The following RBFOX1 variants were observed in gnomAD, a reference collection of about 807,000 sequenced individuals.
RBFOX1 encodes the protein RNA binding protein fox-1 homolog 1.
Under a neutral mutation model 57.7 loss-of-function variants are expected in RBFOX1, and 8 were observed. The ratio of observed to expected loss-of-function variants is 0.14; its 90% CI spans 0.08 to 0.25. RBFOX1 has a LOEUF of 0.25. Among genes scored for constraint, RBFOX1 ranks in the 10% least tolerant of loss-of-function variants. The pLI, the probability that RBFOX1 is intolerant of heterozygous loss-of-function variation, is 1.00. For missense variants in RBFOX1, 611 were observed against 548.5 expected (o/e 1.11, Z -1.14); for synonymous variants, 326 against 222.4 (o/e 1.47, Z -4.15).
chr16:6,160,902 T>C (rs928212361), intron 1 of RBFOX1, among the ~76,000 whole-genome samples: 2 of 152,132 alleles, frequency 1.3e-5, no homozygotes, highest in Admixed American at 6.5e-5. Context: ...CCCTCATCGC[T>C]CTCCGCACAC....
Position 6,815,007 on chromosome 16 carries a change from C to T in RBFOX1, c.-16+160357C>T, listed in dbSNP as rs180989962. On this transcript the variant is annotated intron_variant, in intron 3 of 15. Coordinates refer to ENST00000550418, the MANE Select transcript of RBFOX1 (RefSeq NM_018723.4). The stretch of plus-strand genomic sequence containing the variant: ...GGGCCGCCCAGCTGCTCATCCTTAT[C>T]ATTACTTCTTGATTATATGCTAAAC... 3.5e-4 allele frequency among the ~76,000 whole-genome samples: 54 copies of T among 152,270 alleles called. 1 individual carries two copies. Among genetic ancestry groups the T allele is most frequent in the African/African-American group, 1.3e-3 (54 of 41,552 alleles).
intron 4 of RBFOX1, among the ~76,000 whole-genome samples, chr16:5,949,054 C>T (rs913341557): frequency 1.3e-5 from 2 of 152,098 alleles, no homozygotes; most frequent in African/African-American, 4.8e-5. Flanking sequence ...GGGGGGTGTA[C>T]TCTTTGAAGG....
At chr16:6,970,726 C>A (rs1412930093) in intron 3 of RBFOX1, among the ~76,000 whole-genome samples, 2 of 152,184 alleles carry the variant, frequency 1.3e-5, no homozygotes, top group African/African-American at 4.8e-5. Flanking sequence ...TTAGATTTCA[C>A]CATATGAATT....
intron 3 of RBFOX1, among the ~76,000 whole-genome samples, chr16:6,918,293 A>T (rs1452322213): frequency 1.3e-5 from 2 of 151,942 alleles, no homozygotes; most frequent in East Asian, 3.9e-4. Flanking sequence ...AAAAAAAAAA[A>T]AAAGGAAACA....
At chr16:5,284,859 T>G (rs1332412699) in intron 1 of RBFOX1, among the ~76,000 whole-genome samples, 1 of 148,666 alleles carries the variant, frequency 6.7e-6, no homozygotes, top group Non-Finnish European at 1.5e-5. Flanking sequence ...GATTCTCTTA[T>G]AAGGGACTTC....
intron 14 of RBFOX1, among the ~76,000 whole-genome samples, chr16:7,679,832 A>AT (rs1282206331): frequency 6.6e-6 from 1 of 152,098 alleles, no homozygotes; most frequent in Non-Finnish European, 1.5e-5. Context: ...GTGTGGGCAG[A>AT]GATTTCCCCA....
At chr16:7,671,696 C>T in intron 13 of RBFOX1, 10 of 1,128,840 alleles carry the variant, frequency 8.9e-6, no homozygotes, top group Middle Eastern at 1.9e-4. Flanking sequence ...GGGAACAGTT[C>T]TCTAACATAG....
intron 3 of RBFOX1, among the ~76,000 whole-genome samples, chr16:6,767,954 AAGAAG>A (rs1469076282): frequency 4.4e-5 from 4 of 90,426 alleles, no homozygotes; most frequent in East Asian, 3.8e-4. Context: ...TAATAAGAAG[AAGAAG>A]AAGAAGAAGA....
rs79132455 is a variant in RBFOX1 at position 6,940,377 on chromosome 16, C to T, written c.-15-111680C>T. On this transcript the variant is annotated intron_variant, in intron 3 of 15. Transcript: ENST00000550418. The stretch of plus-strand genomic sequence containing the variant: ...CAAACTACATTGCTCACTTCCCATC[C>T]GACAATTCCAGGAACTTAACAATTC... Among the ~76,000 whole-genome samples the T allele has an allele frequency of 2.6e-3, 396 of 152,198 alleles. 7 individuals carry two copies. The highest frequency in any genetic ancestry group is 0.024 in the East Asian group (126 of 5,168).
chr16:6,839,498 T>C (rs527860919), intron 3 of RBFOX1, among the ~76,000 whole-genome samples: 1 of 152,310 alleles, frequency 6.6e-6, no homozygotes, highest in South Asian at 2.1e-4. Flanking sequence ...TCTTTTATTA[T>C]GGACAGAAAG....
At chr16:6,155,013 TG>T (rs2096828671) in intron 1 of RBFOX1, among the ~76,000 whole-genome samples, 1 of 152,250 alleles carries the variant, frequency 6.6e-6, no homozygotes, top group African/African-American at 2.4e-5. Flanking sequence ...TGAAAATTTT[TG>T]CTAACAAGGG....
intron 4 of RBFOX1, among the ~76,000 whole-genome samples, chr16:5,945,852 A>G (rs927801206): frequency 2.0e-5 from 3 of 151,896 alleles, no homozygotes; most frequent in Non-Finnish European, 2.9e-5. Context: ...TGAGAAGTCT[A>G]CTCCATCCAT....
intron 4 of RBFOX1, among the ~76,000 whole-genome samples, chr16:5,996,533 A>T (rs1252803537): frequency 6.6e-6 from 1 of 151,810 alleles, no homozygotes; most frequent in Non-Finnish European, 1.5e-5. Flanking sequence ...CAGGCAGCAT[A>T]CTCAAATTAG....
chr16:6,472,546 A>T (rs1261116538), intron 2 of RBFOX1, among the ~76,000 whole-genome samples: 1 of 151,982 alleles, frequency 6.6e-6, no homozygotes, highest in African/African-American at 2.4e-5. Context: ...GGATTTGGGG[A>T]AAGTGTGAGT....
chr16:7,214,709 T>G (rs929182341), intron 4 of RBFOX1, among the ~76,000 whole-genome samples: 1 of 152,124 alleles, frequency 6.6e-6, no homozygotes, highest in Admixed American at 6.5e-5. Flanking sequence ...GGCTACCGTA[T>G]ACTGCGCGAT....
intron 2 of RBFOX1, among the ~76,000 whole-genome samples, chr16:5,541,624 T>A (rs941377712): frequency 1.3e-5 from 2 of 152,138 alleles, no homozygotes; most frequent in African/African-American, 4.8e-5. Context: ...AGAGTTTGAA[T>A]AGAATGGGAG....
chr16:6,141,772 G>A (rs1445916475), intron 1 of RBFOX1, among the ~76,000 whole-genome samples: 2 of 152,016 alleles, frequency 1.3e-5, no homozygotes, highest in Non-Finnish European at 2.9e-5. Flanking sequence ...TTGGAGAAAA[G>A]GTGAAAGAAC....
intron 2 of RBFOX1, among the ~76,000 whole-genome samples, chr16:6,347,422 G>A (rs189046548): frequency 7.9e-4 from 120 of 152,266 alleles, no homozygotes; most frequent in African/African-American, 2.0e-3. Context: ...TAATCTACCC[G>A]TGAAGGTAGA....
chr16:5,295,224 C>G (rs1274621431), intron 1 of RBFOX1, among the ~76,000 whole-genome samples: 2 of 152,076 alleles, frequency 1.3e-5, no homozygotes, highest in Admixed American at 6.6e-5. Flanking sequence ...GCATAACTGT[C>G]TCCCAGGACA....
Sources: gnomAD v4.1 joint callset for allele counts (sites outside exome capture counted in the v4.1 genomes callset) on GRCh38, gnomAD v4.1.1 for gene constraint, MANE v1.5 for transcripts, NCBI Gene and HGNC (gene_info 2026-07-23, HGNC 2026-07-21) for gene names.